Variants in NOMO3 observed in about 807,000 individuals in gnomAD.
NOMO3 encodes NODAL modulator 3.
A neutral mutation model predicts 69.9 loss-of-function variants in NOMO3; 15 were observed. The observed-to-expected ratio is 0.21, with a 90% CI of 0.14 to 0.33. NOMO3 has a LOEUF of 0.33. Ranked by LOEUF, NOMO3 falls within the 10% of genes least tolerant of loss-of-function variation. NOMO3 has a pLI of 1.00. For missense variants in NOMO3, 218 were observed against 761.0 expected, an observed-to-expected ratio of 0.29 and a Z score of 8.39; for synonymous variants, 89 against 301.9, an observed-to-expected ratio of 0.29 and a Z score of 7.31.
rs755956630 is a variant in NOMO3 at position 16,261,679 on chromosome 16, G to T, written c.1395+3G>T. On this transcript the variant is annotated splice_donor_region_variant and intron_variant, in intron 12 of 30. Transcript: ENST00000399336. Reference sequence around the variant, plus strand: ...ACCCAGGGACTTACAAAGTGCAGGTGCGATGCATTGTTTTAAATTTAAAAT... The same window carrying T: ...ACCCAGGGACTTACAAAGTGCAGGTTCGATGCATTGTTTTAAATTTAAAAT... The T allele has an allele frequency of 3.2e-6, 5 of 1,564,604 alleles. No homozygotes were observed. Among genetic ancestry groups the T allele is most frequent in the South Asian group, 1.2e-5 (1 of 85,276 alleles).
intron 11 of NOMO3, among the ~76,000 whole-genome samples, chr16:16,257,719 G>A (rs1423267922): frequency 7.0e-6 from 1 of 143,448 alleles, no homozygotes; most frequent in African/African-American, 2.9e-5. Flanking sequence ...CAACAGGGAG[G>A]TGCAGGGAGC....
At position 16,259,569 on chromosome 16, in the gene NOMO3, G is replaced by A. The variant is rs1316312342; in HGVS notation, c.1221-1933G>A. ...TGGTCTCGAACTCCTGACCTCAAGT[G>A]ACCCACCCGCCTCGGCTTCCCAAAG... On this transcript the variant is annotated intron_variant, in intron 11 of 30. Coordinates refer to ENST00000399336, the MANE Select transcript of NOMO3 (RefSeq NM_001004067.4). Among the ~76,000 whole-genome samples, 268 of 110,110 alleles carry A rather than the reference G, an allele frequency of 2.4e-3. 26 individuals are homozygous for A. The highest frequency in any genetic ancestry group is 0.013 in the African/African-American group (256 of 20,438). 72.2% of individuals were successfully genotyped at this position (110,110 alleles called of 152,430 possible). A position where few individuals can be genotyped will look rare whatever the true frequency, so the allele number is the denominator to read the frequency against.
intron 1 of NOMO3, among the ~76,000 whole-genome samples, chr16:16,233,502 G>GTTTT (rs1300616875): frequency 6.2e-4 from 58 of 92,854 alleles, no homozygotes; most frequent in East Asian, 2.5e-3. Flanking sequence ...TGTGCTGAAG[G>GTTTT]TTTTTTTTTT....
chr16:16,240,689 G>C (rs2049367744), intron 3 of NOMO3, among the ~76,000 whole-genome samples: 1 of 143,824 alleles, frequency 7.0e-6, no homozygotes, highest in African/African-American at 2.8e-5. Flanking sequence ...TTTCAGTAGA[G>C]CAGGTGTGGG....
chr16:16,258,737 C>T (rs1024358667), intron 11 of NOMO3, among the ~76,000 whole-genome samples: 27 of 142,790 alleles, frequency 1.9e-4, no homozygotes, highest in Admixed American at 1.2e-3. Context: ...TGGTGATGCG[C>T]GCCTATAATC....
intron 11 of NOMO3, among the ~76,000 whole-genome samples, chr16:16,259,368 A>G (rs1349579311): frequency 5.6e-5 from 8 of 142,120 alleles, no homozygotes; most frequent in Admixed American, 6.8e-5. Flanking sequence ...TTTTTTGTTG[A>G]GCCAGGGTCT....
At chr16:16,253,379 AAG>A (rs1322155194) in intron 9 of NOMO3, among the ~76,000 whole-genome samples, 2 of 137,134 alleles carry the variant, frequency 1.5e-5, no homozygotes, top group Non-Finnish European at 3.0e-5. Flanking sequence ...CTCCTGCAGG[AAG>A]AGTGTGTAAG....
intron 11 of NOMO3, among the ~76,000 whole-genome samples, chr16:16,258,426 C>T (rs943008155): frequency 1.8e-4 from 24 of 136,698 alleles, no homozygotes; most frequent in Non-Finnish European, 3.0e-4. Context: ...AAGCAGCATG[C>T]TCAGAGGCCT....
chr16:16,249,659 T>C (rs2049446509), intron 6 of NOMO3, among the ~76,000 whole-genome samples: 1 of 143,704 alleles, frequency 7.0e-6, no homozygotes, highest in Non-Finnish European at 1.5e-5. Flanking sequence ...AAGGTTTACA[T>C]TGTATGTTAA....
intron 2 of NOMO3, among the ~76,000 whole-genome samples, chr16:16,239,503 CTTG>C (rs1567559529): frequency 6.9e-6 from 1 of 144,968 alleles, no homozygotes; most frequent in Non-Finnish European, 1.5e-5. Context: ...TACATGCTAA[CTTG>C]TGCAACTGTA....
chr16:16,261,221 G>A lies in NOMO3; in HGVS notation c.1221-281G>A, dbSNP rs576787104. The A allele has an allele frequency of 3.5e-4, 155 of 445,130 alleles. 6 individuals are homozygous for A. The highest frequency in any genetic ancestry group is 3.4e-3 in the South Asian group (121 of 35,690). 27.6% of individuals were successfully genotyped at this position (445,130 alleles called of 1,614,324 possible). On this transcript the variant is annotated intron_variant, in intron 11 of 30. Coordinates refer to ENST00000399336, the MANE Select transcript of NOMO3 (RefSeq NM_001004067.4). ...TTTTCTTAAAATTGCCTCTGCAGTG[G>A]GGGATTGCCAGATGTCACCCGGAAC...
Position 16,249,608 on chromosome 16 carries a change from G to A in NOMO3, c.583-1320G>A, listed in dbSNP as rs1193301361. ...AAAAAAAAAAAAAAAAAATTTATTC[G>A]AAATGAAAGAGCTTACACATTTATA... On this transcript the variant is annotated intron_variant, in intron 6 of 30. Coordinates refer to ENST00000399336, the MANE Select transcript of NOMO3 (RefSeq NM_001004067.4). Among the ~76,000 whole-genome samples the A allele has an allele frequency of 5.7e-5, 8 of 140,664 alleles. No homozygotes were observed. The South Asian group carries it at 6.9e-4, about 12-fold the overall frequency. 92.3% of individuals were successfully genotyped at this position (140,664 alleles called of 152,430 possible). A position where few individuals can be genotyped will look rare whatever the true frequency, so the allele number is the denominator to read the frequency against.
rs1454593518 is a variant in NOMO3 at position 16,255,057 on chromosome 16, C to T, written c.964-663C>T. 1.1e-4 allele frequency among the ~76,000 whole-genome samples: 16 copies of T among 144,172 alleles called. 3 individuals carry two copies. In the East Asian group the frequency reaches 2.3e-3, roughly 20 times the overall value. The allele number at this position is 144,172 out of a possible 152,430, so 94.6% of individuals were successfully genotyped here. On this transcript the variant is annotated intron_variant, in intron 9 of 30. Coordinates refer to ENST00000399336, the MANE Select transcript of NOMO3 (RefSeq NM_001004067.4). ...CCTCCCGAGTAGCTGGGATTACAGG[C>T]GCCCGCCACCACACCTGGCTAATTT... is the stretch of plus-strand genomic sequence containing the variant.
At chr16:16,234,810 C>A (rs2049313464) in intron 1 of NOMO3, among the ~76,000 whole-genome samples, 1 of 150,528 alleles carries the variant, frequency 6.6e-6, no homozygotes. Context: ...CTAACAGGGA[C>A]CTTACTGTTA....
chr16:16,261,643 T>G lies in NOMO3; in HGVS notation c.1362T>G (p.Cys454Trp), dbSNP rs1377150051. 4 of 1,586,006 alleles carry G rather than the reference T, an allele frequency of 2.5e-6. 1 individual carries two copies. The highest frequency in any genetic ancestry group is 1.6e-5 in the African/African-American group (1 of 63,418). ...AGACAGATGCTCATGGATCATTTTGTTTTAAAGCAAACCCAGGGACTTACA... is the reference window on the plus strand; with the variant it reads ...AGACAGATGCTCATGGATCATTTTGGTTTAAAGCAAACCCAGGGACTTACA... ...TVETDAHGSF[C>W]FKANPGTYKV... Residue 454 changes from cysteine (C) to tryptophan (W), a missense_variant, in exon 12 of 31, where the codon TGT becomes TGG. Transcript: ENST00000399336.
chr16:16,263,112 G>A lies in NOMO3; in HGVS notation c.1434G>A (p.Thr478=), dbSNP rs758071074. The A allele has an allele frequency of 1.2e-5, 19 of 1,593,658 alleles. 2 individuals carry two copies. In the South Asian group the frequency reaches 1.3e-4, roughly 11 times the overall value. Reference sequence around the variant, plus strand: ...AGGCAGAAACCAGAGCAGGGCTGACGTTGAAACCCCAGACATTTCCTCTTA... The same window carrying A: ...AGGCAGAAACCAGAGCAGGGCTGACATTGAAACCCCAGACATTTCCTCTTA... ...VPEAETRAGL[T]LKPQTFPLTV... is the part of the protein sequence containing the mutation. Residue 478 remains threonine (T), a synonymous_variant, in exon 13 of 31, where the codon ACG becomes ACA. Transcript: ENST00000399336.
chr16:16,237,046 G>C lies in NOMO3; in HGVS notation c.255+56G>C. 8 of 1,587,302 alleles carry C rather than the reference G, an allele frequency of 5.0e-6. 2 individuals carry two copies. The East Asian group carries it at 1.7e-4, about 34-fold the overall frequency. On this transcript the variant is annotated intron_variant, in intron 2 of 30. Transcript: ENST00000399336. ...GGAAGTCACTAGTGTGCCTCACCAG[G>C]CTGCATTAACCATGTCCTTTCCTAC...
chr16:16,237,579 C>T (rs1486681833), intron 2 of NOMO3, among the ~76,000 whole-genome samples: 3 of 140,794 alleles, frequency 2.1e-5, no homozygotes, highest in African/African-American at 2.9e-5. Context: ...GTTGGAGTCT[C>T]GCTCTGTCGC....
intron 1 of NOMO3, among the ~76,000 whole-genome samples, chr16:16,233,485 A>G (rs1202089660): frequency 9.8e-6 from 1 of 102,338 alleles, no homozygotes; most frequent in South Asian, 3.2e-4. Context: ...GAATTACCCT[A>G]GAGATTTGTG....
Sources: gnomAD v4.1 joint callset for allele counts (sites outside exome capture counted in the v4.1 genomes callset) on GRCh38, gnomAD v4.1.1 for gene constraint, MANE v1.5 for transcripts, NCBI Gene and HGNC (gene_info 2026-07-23, HGNC 2026-07-21) for gene names.